NEBL: variants seen among roughly 807,000 people sequenced by gnomAD.
NEBL encodes the protein nebulette, also known as LIM and SH3 protein 2.
In NEBL, 122 loss-of-function variants were observed where a neutral mutation model predicts 140.2. The ratio of observed to expected loss-of-function variants is 0.87; its 90% CI spans 0.75 to 1.01. The LOEUF (loss-of-function observed/expected upper bound fraction) is 1.01. NEBL is among the 50% of genes least tolerant of loss of function. The probability of loss-of-function intolerance (pLI) is 0.00; values close to 1 mark genes in which losing one functional copy is unlikely to be tolerated. For missense variants in NEBL, 1,365 were observed against 1,231.3 expected, an observed-to-expected ratio of 1.11 and a Z score of -1.62; for synonymous variants, 436 against 398.9, an observed-to-expected ratio of 1.09 and a Z score of -1.11.
intron 1 of NEBL, among the ~76,000 whole-genome samples, chr10:21,258,636 C>T (rs550474460): frequency 4.1e-4 from 63 of 152,070 alleles, no homozygotes; most frequent in Non-Finnish European, 6.6e-4. Context: ...ACCCAGGAGA[C>T]GGAGGTTGCA....
chr10:21,157,753 T>G (rs1840391610), intron 2 of NEBL, among the ~76,000 whole-genome samples: 1 of 152,034 alleles, frequency 6.6e-6, no homozygotes, highest in South Asian at 2.1e-4. Flanking sequence ...TGTGTTAGAG[T>G]CCTAACCCCA....
chr10:21,085,340 G>T (rs540168010), intron 2 of NEBL, among the ~76,000 whole-genome samples: 1 of 152,272 alleles, frequency 6.6e-6, no homozygotes, highest in Admixed American at 6.5e-5. Flanking sequence ...ACAGCACGTA[G>T]GCCAAGTATG....
intron 2 of NEBL, among the ~76,000 whole-genome samples, chr10:21,124,424 G>A (rs1331911394): frequency 6.6e-6 from 1 of 152,044 alleles, no homozygotes; most frequent in Non-Finnish European, 1.5e-5. Flanking sequence ...ATCAGGCCTG[G>A]GCCTTTTTTC....
intron 26 of NEBL, among the ~76,000 whole-genome samples, chr10:20,802,051 C>T (rs1414013383): frequency 1.3e-5 from 2 of 152,032 alleles, no homozygotes; most frequent in Admixed American, 6.6e-5. Flanking sequence ...TTACGTTTTC[C>T]GGAGGAAAAC....
chr10:21,167,607 C>T (rs76774966), intron 2 of NEBL, among the ~76,000 whole-genome samples: 2,275 of 152,102 alleles, frequency 0.015, 54 homozygotes, highest in African/African-American at 0.051. Context: ...TAAGAACCGA[C>T]GTATATTTTA....
intron 2 of NEBL, among the ~76,000 whole-genome samples, chr10:21,056,455 T>C (rs1835029164): frequency 6.6e-6 from 1 of 152,076 alleles, no homozygotes; most frequent in African/African-American, 2.4e-5. Flanking sequence ...TTAAAAGCAG[T>C]AGGAAAAGGT....
At position 20,997,439 on chromosome 10, in the gene NEBL, G is replaced by A. The variant is rs559034105; in HGVS notation, c.249+22678C>T. On this transcript the variant is annotated intron_variant, in intron 3 of 6. Coordinates refer to the NEBL transcript ENST00000417816. ...ATTAGGTACCCCCATCCCTACAGCC[G>A]CAAACCACACCAAATAAACGCACAG... is the stretch of plus-strand genomic sequence containing the variant. Among the ~76,000 whole-genome samples the A allele has an allele frequency of 3.8e-4, 42 of 111,794 alleles. No individual in the cohort carries two copies. The South Asian group carries it at 8.8e-3, about 23-fold the overall frequency. The allele number at this position is 111,794 out of a possible 152,430, so 73.3% of individuals were successfully genotyped here.
chr10:20,796,776 A>T (rs576677793), intron 26 of NEBL, among the ~76,000 whole-genome samples: 55 of 152,336 alleles, frequency 3.6e-4, no homozygotes, highest in Admixed American at 1.2e-3. Flanking sequence ...AGTTGTAACT[A>T]TAATTCAAAC....
chr10:20,878,349 TATA>T (rs1214410479), intron 5 of NEBL, among the ~76,000 whole-genome samples: 2 of 152,248 alleles, frequency 1.3e-5, no homozygotes, highest in Non-Finnish European at 2.9e-5. Context: ...CAGATACACA[TATA>T]ATGACACACT....
intron 2 of NEBL, among the ~76,000 whole-genome samples, chr10:21,100,930 C>G (rs566015818): frequency 2.8e-4 from 43 of 152,258 alleles, no homozygotes; most frequent in Non-Finnish European, 4.6e-4. Context: ...GTTTTTGTTT[C>G]TTTGTTTGTT....
At position 21,120,185 on chromosome 10, in the gene NEBL, G is replaced by A. The variant is rs536239965; in HGVS notation, c.164+52198C>T. Among the ~76,000 whole-genome samples the A allele has an allele frequency of 4.0e-5, 6 of 151,240 alleles. No individual in the cohort carries two copies. The South Asian group carries it at 1.3e-3, about 32-fold the overall frequency. ...CAGAATTCGAAACCAGCCTGGCCTGGGCAATATAGGGAGACCCTGTCTCTA... is the reference window on the plus strand; with the variant it reads ...CAGAATTCGAAACCAGCCTGGCCTGAGCAATATAGGGAGACCCTGTCTCTA... On this transcript the variant is annotated intron_variant, in intron 2 of 6. Coordinates refer to the NEBL transcript ENST00000417816.
intron 3 of NEBL, among the ~76,000 whole-genome samples, chr10:21,225,854 G>C (rs1842139514): frequency 6.6e-6 from 1 of 152,152 alleles, no homozygotes; most frequent in Admixed American, 6.5e-5. Context: ...GGGGCCTCCA[G>C]GAGCCCACTT....
At chr10:21,086,837 G>T (rs1323145159) in intron 2 of NEBL, among the ~76,000 whole-genome samples, 1 of 152,078 alleles carries the variant, frequency 6.6e-6, no homozygotes, top group Non-Finnish European at 1.5e-5. Flanking sequence ...AAAAACCAAT[G>T]ACAAAGACAG....
At chr10:21,199,243 G>A (rs1462876122) in intron 3 of NEBL, among the ~76,000 whole-genome samples, 1 of 151,848 alleles carries the variant, frequency 6.6e-6, no homozygotes. Context: ...ATGTTGCTAA[G>A]GCTGGTCTCA....
intron 1 of NEBL, among the ~76,000 whole-genome samples, chr10:21,271,654 C>T (rs12241138): frequency 0.068 from 10,296 of 151,470 alleles, 737 homozygotes; most frequent in African/African-American, 0.18. Flanking sequence ...ACCTCCTGAG[C>T]AGCTGGGACA....
intron 4 of NEBL, among the ~76,000 whole-genome samples, chr10:20,938,385 G>A (rs530059229): frequency 2.0e-5 from 3 of 152,322 alleles, no homozygotes; most frequent in South Asian, 4.1e-4. Flanking sequence ...GGTCCTGACT[G>A]TTAGAAGGAA....
At chr10:20,842,022 A>T (rs529373053) in intron 12 of NEBL, among the ~76,000 whole-genome samples, 2 of 152,226 alleles carry the variant, frequency 1.3e-5, no homozygotes, top group Non-Finnish European at 2.9e-5. Context: ...AAAATCATAA[A>T]TATCTTATTC....
chr10:20,985,967 T>C (rs1358753288), intron 3 of NEBL, among the ~76,000 whole-genome samples: 1 of 152,176 alleles, frequency 6.6e-6, no homozygotes, highest in African/African-American at 2.4e-5. Context: ...TAAAAACATA[T>C]CCCTTTAGGT....
rs1385549083 is a variant in NEBL at position 21,095,359 on chromosome 10, A to C, written c.165-75158T>G. On this transcript the variant is annotated intron_variant, in intron 2 of 6. Transcript: ENST00000417816. ...TAAAAGATAAGACGAACATGGTCAG[A>C]GTGATGACCGTTGACAAGGAAAGAT... is the stretch of plus-strand genomic sequence containing the variant. 2.0e-5 allele frequency among the ~76,000 whole-genome samples: 3 copies of C among 152,306 alleles called. No homozygotes were observed. In the East Asian group the frequency reaches 5.8e-4, roughly 29 times the overall value.
Sources: allele counts gnomAD v4.1 joint callset (sites outside exome capture counted in the v4.1 genomes callset), GRCh38; gene constraint gnomAD v4.1.1; transcripts MANE v1.5; gene names NCBI Gene and HGNC (gene_info 2026-07-23, HGNC 2026-07-21).